The following ZFPM2 variants were observed in gnomAD, a reference collection of about 807,000 sequenced individuals.
ZFPM2 encodes the protein zinc finger protein, FOG family member 2.
In ZFPM2, 20 loss-of-function variants were observed where a neutral mutation model predicts 98.6. The ratio of observed to expected loss-of-function variants is 0.20; its 90% CI spans 0.14 to 0.29. The LOEUF (loss-of-function observed/expected upper bound fraction) is 0.29, where lower values mean the gene tolerates loss of function less well. Among genes scored for constraint, ZFPM2 ranks in the 10% least tolerant of loss-of-function variants. The pLI is 1.00. For missense variants in ZFPM2, 1,310 were observed against 1,388.6 expected (o/e 0.94, Z 0.90); for synonymous variants, 518 against 502.7 (o/e 1.03, Z -0.41).
intron 1 of ZFPM2, among the ~76,000 whole-genome samples, chr8:105,335,658 A>G (rs1330917336): frequency 6.6e-6 from 1 of 151,756 alleles, no homozygotes; most frequent in East Asian, 1.9e-4. Flanking sequence ...AAAAGCTACA[A>G]GTGGTTTTCA....
At chr8:105,622,706 G>A (rs1055483563) in intron 4 of ZFPM2, among the ~76,000 whole-genome samples, 21 of 152,108 alleles carry the variant, frequency 1.4e-4, no homozygotes, top group Non-Finnish European at 2.4e-4. Flanking sequence ...AGGAAAGCAA[G>A]GAAGCAGCCT....
intron 5 of ZFPM2, among the ~76,000 whole-genome samples, chr8:105,689,478 G>A (rs1366448408): frequency 6.6e-6 from 1 of 152,102 alleles, no homozygotes; most frequent in Non-Finnish European, 1.5e-5. Context: ...CAAACCAAAT[G>A]CTATTCAGAT....
At chr8:105,586,002 G>T (rs1259989019) in intron 4 of ZFPM2, among the ~76,000 whole-genome samples, 3 of 142,734 alleles carry the variant, frequency 2.1e-5, no homozygotes, top group Admixed American at 7.0e-5. Flanking sequence ...GGGGGGAAGG[G>T]GTGTGTGTGT....
At chr8:105,587,309 TAAC>T (rs1358720674) in intron 4 of ZFPM2, among the ~76,000 whole-genome samples, 2 of 150,308 alleles carry the variant, frequency 1.3e-5, no homozygotes, top group Non-Finnish European at 3.0e-5. Flanking sequence ...GCTTTGGACT[TAAC>T]AGTCTTAGAG....
intron 3 of ZFPM2, among the ~76,000 whole-genome samples, chr8:105,487,776 TA>T (rs1563681313): frequency 1.3e-5 from 2 of 152,146 alleles, no homozygotes; most frequent in East Asian, 3.8e-4. Flanking sequence ...TCGTCATCAT[TA>T]TCATCATCTA....
chr8:105,571,933 C>G (rs1226884494), intron 4 of ZFPM2, among the ~76,000 whole-genome samples: 2 of 152,110 alleles, frequency 1.3e-5, no homozygotes, highest in East Asian at 3.9e-4. Context: ...ATAAGGTTTT[C>G]CTAGCATTGG....
chr8:105,638,351 A>G (rs2130846681), intron 5 of ZFPM2, among the ~76,000 whole-genome samples: 1 of 152,192 alleles, frequency 6.6e-6, no homozygotes, highest in Non-Finnish European at 1.5e-5. Context: ...AAAACCAAGG[A>G]TATGCTGCCA....
chr8:105,506,980 TCC>T (rs760594122), intron 3 of ZFPM2, among the ~76,000 whole-genome samples: 51 of 120,422 alleles, frequency 4.2e-4, no homozygotes, highest in Non-Finnish European at 8.4e-4. Flanking sequence ...AGAGCCAGAC[TCC>T]GTCTCCAAAA....
intron 4 of ZFPM2, among the ~76,000 whole-genome samples, chr8:105,590,832 C>G (rs1371080371): frequency 1.3e-4 from 20 of 152,210 alleles, no homozygotes; most frequent in South Asian, 2.1e-4. Context: ...CACTCAATCA[C>G]TTTACACAAG....
chr8:105,594,473 G>A (rs1359787287), intron 4 of ZFPM2, among the ~76,000 whole-genome samples: 1 of 152,058 alleles, frequency 6.6e-6, no homozygotes, highest in Non-Finnish European at 1.5e-5. Flanking sequence ...AAGAGTCATA[G>A]ATTTTATGTA....
chr8:105,509,070 G>C (rs565704103), intron 3 of ZFPM2, among the ~76,000 whole-genome samples: 1 of 152,092 alleles, frequency 6.6e-6, no homozygotes, highest in Non-Finnish European at 1.5e-5. Flanking sequence ...ACTTTGAAAG[G>C]CCTATATATA....
intron 6 of ZFPM2, among the ~76,000 whole-genome samples, chr8:105,796,300 A>C (rs1368621167): frequency 2.6e-5 from 3 of 117,626 alleles, no homozygotes; most frequent in Non-Finnish European, 5.0e-5. Flanking sequence ...TATAGTGGAG[A>C]GTGTACTCTA....
intron 1 of ZFPM2, chr8:105,387,828 C>G (rs567675134): frequency 6.6e-5 from 10 of 152,528 alleles, no homozygotes; most frequent in Non-Finnish European, 1.3e-4. Flanking sequence ...GGGCTGCGAG[C>G]GCTGCCAGCA....
rs1429050439 is a variant in ZFPM2 at position 105,318,455 on chromosome 8, G to A, written c.-487G>A. On this transcript the variant is annotated 5_prime_UTR_variant, in exon 1 of 8. Transcript: ENST00000407775. ...CCCGCCGCAGAACAGGAGCTGCGCG[G>A]CCCGGAGCGGCGGCGGCGGCGCCGG... Among the ~76,000 whole-genome samples the A allele has an allele frequency of 1.3e-5, 2 of 151,244 alleles. No individual in the cohort carries two copies. Among genetic ancestry groups the A allele is most frequent in the Admixed American group, 6.6e-5 (1 of 15,198 alleles).
chr8:105,675,745 C>G (rs188082180), intron 5 of ZFPM2, among the ~76,000 whole-genome samples: 178 of 152,278 alleles, frequency 1.2e-3, no homozygotes, highest in Non-Finnish European at 2.5e-3. Context: ...ACTAGATTTA[C>G]AATACCAGAA....
At chr8:105,736,775 G>A (rs1812081876) in intron 5 of ZFPM2, among the ~76,000 whole-genome samples, 1 of 151,884 alleles carries the variant, frequency 6.6e-6, no homozygotes, top group Non-Finnish European at 1.5e-5. Context: ...CTGAATATTC[G>A]ATTTTGGCTT....
chr8:105,460,365 T>C (rs923163730), intron 3 of ZFPM2, among the ~76,000 whole-genome samples: 1 of 151,982 alleles, frequency 6.6e-6, no homozygotes, highest in Non-Finnish European at 1.5e-5. Context: ...AGCTGACAAA[T>C]GAGGGAAGAA....
rs1812683286 is a variant in ZFPM2 at position 105,759,323 on chromosome 8, AATC to A, written c.533-29392_533-29390del. ...TATTGCATGCCATATGCTGGAAAAGAATCATGTTTTCTTGACTTTGCCATTATG... is the reference window on the plus strand; with the variant it reads ...TATTGCATGCCATATGCTGGAAAAGAATGTTTTCTTGACTTTGCCATTATG... On this transcript the variant is annotated intron_variant, in intron 5 of 7. Transcript: ENST00000407775. 2.6e-5 allele frequency among the ~76,000 whole-genome samples: 4 copies of A among 152,118 alleles called. No individual in the cohort carries two copies. In the South Asian group the frequency reaches 8.3e-4, roughly 32 times the overall value.
chr8:105,413,414 A>G (rs554286948), intron 1 of ZFPM2, among the ~76,000 whole-genome samples: 70 of 150,960 alleles, frequency 4.6e-4, no homozygotes, highest in Admixed American at 1.3e-3. Flanking sequence ...TCCCTTTTTT[A>G]TATGTATATT....
Sources: allele counts gnomAD v4.1 joint callset (sites outside exome capture counted in the v4.1 genomes callset), GRCh38; gene constraint gnomAD v4.1.1; transcripts MANE v1.5; gene names NCBI Gene and HGNC (gene_info 2026-07-23, HGNC 2026-07-21).